Variants in BMERB1 observed in about 807,000 individuals in gnomAD.
The protein encoded by BMERB1 is bMERB domain containing 1, also known as bMERB domain-containing protein 1.
A neutral mutation model predicts 23.6 loss-of-function variants in BMERB1; 12 were observed. That is an observed-to-expected ratio of 0.51 (90% CI 0.33 to 0.82). BMERB1 has a LOEUF of 0.82. Among genes scored for constraint, BMERB1 ranks in the 40% least tolerant of loss-of-function variants. The pLI, the probability that BMERB1 is intolerant of heterozygous loss-of-function variation, is 0.03. For synonymous variants in BMERB1, 122 were observed against 96.6 expected, an observed-to-expected ratio of 1.26 and a Z score of -1.54; for missense variants, 247 against 255.4, an observed-to-expected ratio of 0.97 and a Z score of 0.22.
intron 3 of BMERB1, among the ~76,000 whole-genome samples, chr16:15,579,154 G>A (rs911639589): frequency 6.6e-6 from 1 of 152,194 alleles, no homozygotes; most frequent in African/African-American, 2.4e-5. Context: ...AGAGAGCAGT[G>A]GAGGGCACTT....
chr16:15,507,724 C>T (rs1438831671), intron 1 of BMERB1, among the ~76,000 whole-genome samples: 8 of 152,116 alleles, frequency 5.3e-5, no homozygotes, highest in African/African-American at 1.4e-4. Flanking sequence ...ATTTCTATCA[C>T]ACAAGTTCAG....
At chr16:15,483,263 T>G (rs559688991) in intron 1 of BMERB1, among the ~76,000 whole-genome samples, 1 of 152,234 alleles carries the variant, frequency 6.6e-6, no homozygotes, top group Non-Finnish European at 1.5e-5. Context: ...CGATTATTCC[T>G]CTAGGAAGAA....
At chr16:15,464,341 A>G (rs1251415534) in intron 1 of BMERB1, among the ~76,000 whole-genome samples, 2 of 149,758 alleles carry the variant, frequency 1.3e-5, no homozygotes, top group African/African-American at 2.5e-5. Flanking sequence ...AAGGATTCCA[A>G]AGAATGTCAG....
intron 5 of BMERB1, among the ~76,000 whole-genome samples, chr16:15,586,510 A>ATATAAAATGAGGAC (rs566399888): frequency 2.6e-5 from 4 of 151,140 alleles, no homozygotes; most frequent in Admixed American, 6.7e-5. Flanking sequence ...ATTGAGGACC[A>ATATAAAATGAGGAC]TATAAAATGA....
intron 1 of BMERB1, among the ~76,000 whole-genome samples, chr16:15,488,817 C>CAA (rs1407097556): frequency 1.7e-4 from 8 of 47,546 alleles, no homozygotes; most frequent in African/African-American, 3.0e-4. Context: ...GACTCCGTCT[C>CAA]AAAAAAAAAA....
At chr16:15,532,241 T>G (rs544750352) in intron 2 of BMERB1, among the ~76,000 whole-genome samples, 2,144 of 136,896 alleles carry the variant, frequency 0.016, 57 homozygotes, top group African/African-American at 0.069. Flanking sequence ...GTTTTTTTTG[T>G]TTTTTTTTGA....
intron 1 of BMERB1, among the ~76,000 whole-genome samples, chr16:15,510,584 C>T (rs2051652356): frequency 6.6e-6 from 1 of 152,122 alleles, no homozygotes; most frequent in African/African-American, 2.4e-5. Context: ...GGTTAACCAA[C>T]TCCCCAAGGC....
Position 15,587,089 on chromosome 16 carries a change from C to T in BMERB1, c.*260C>T, listed in dbSNP as rs1229682943. ...GTCTGTCTCACTGTTTATCCAAACA[C>T]CAGGAAAGGTCCTCCCTCAAAAAAG... On this transcript the variant is annotated 3_prime_UTR_variant, in exon 6 of 6. Transcript: ENST00000300006. 6 of 476,854 alleles carry T rather than the reference C, an allele frequency of 1.3e-5. No homozygotes were observed. In the Admixed American group the frequency reaches 1.5e-4, roughly 12 times the overall value. The allele number at this position is 476,854 out of a possible 1,614,324, so 29.5% of individuals were successfully genotyped here.
chr16:15,443,043 T>G (rs1009514651), intron 1 of BMERB1, among the ~76,000 whole-genome samples: 1 of 148,132 alleles, frequency 6.8e-6, no homozygotes, highest in Non-Finnish European at 1.5e-5. Flanking sequence ...ACATCAGGAG[T>G]TCAAGACCAG....
intron 1 of BMERB1, among the ~76,000 whole-genome samples, chr16:15,489,935 C>T (rs1194233777): frequency 2.6e-5 from 4 of 152,040 alleles, no homozygotes; most frequent in Non-Finnish European, 5.9e-5. Context: ...GGCTCGATCT[C>T]GGCTGGCTGC....
intron 1 of BMERB1, among the ~76,000 whole-genome samples, chr16:15,458,955 A>T (rs1178763240): frequency 6.6e-6 from 1 of 152,000 alleles, no homozygotes; most frequent in Non-Finnish European, 1.5e-5. Flanking sequence ...AAATACAAAA[A>T]AATTATCCGG....
chr16:15,453,365 C>T (rs2051058276), intron 1 of BMERB1, among the ~76,000 whole-genome samples: 1 of 152,098 alleles, frequency 6.6e-6, no homozygotes, highest in East Asian at 1.9e-4. Flanking sequence ...GGAGCTTGAG[C>T]CCAGGAGTTC....
At chr16:15,586,289 G>A (rs1047959388) in intron 5 of BMERB1, among the ~76,000 whole-genome samples, 4 of 152,146 alleles carry the variant, frequency 2.6e-5, no homozygotes, top group Admixed American at 6.5e-5. Flanking sequence ...AACAGAGAAT[G>A]GGAGGTGGAG....
intron 2 of BMERB1, among the ~76,000 whole-genome samples, chr16:15,558,836 C>T (rs980049556): frequency 2.0e-5 from 3 of 149,874 alleles, no homozygotes; most frequent in African/African-American, 4.9e-5. Context: ...ATCAGGTTAG[C>T]GTTCGGTTTC....
intron 1 of BMERB1, among the ~76,000 whole-genome samples, chr16:15,454,698 A>C (rs984326745): frequency 6.6e-6 from 1 of 152,078 alleles, no homozygotes; most frequent in African/African-American, 2.4e-5. Flanking sequence ...AGGCTGAGGC[A>C]GGAGAATCGC....
At chr16:15,526,044 G>A (rs1342774510) in intron 2 of BMERB1, among the ~76,000 whole-genome samples, 2 of 152,140 alleles carry the variant, frequency 1.3e-5, no homozygotes, top group Non-Finnish European at 2.9e-5. Context: ...AAATTAAATA[G>A]CATGTAAAAT....
intron 1 of BMERB1, among the ~76,000 whole-genome samples, chr16:15,513,578 T>A (rs2051702291): frequency 6.6e-6 from 1 of 152,144 alleles, no homozygotes; most frequent in African/African-American, 2.4e-5. Context: ...CTGCTAACAT[T>A]TTAGTGGACT....
chr16:15,556,379 C>T (rs1222263645), intron 2 of BMERB1, among the ~76,000 whole-genome samples: 1 of 152,012 alleles, frequency 6.6e-6, no homozygotes, highest in Admixed American at 6.6e-5. Context: ...GTTTGATTCT[C>T]ATACAACCCC....
chr16:15,564,265 A>G (rs889467844), intron 2 of BMERB1, among the ~76,000 whole-genome samples: 1 of 152,224 alleles, frequency 6.6e-6, no homozygotes, highest in African/African-American at 2.4e-5. Flanking sequence ...GTGTTCCCAT[A>G]AGCCTAAGGA....
Sources: gnomAD v4.1 joint callset for allele counts (sites outside exome capture counted in the v4.1 genomes callset) on GRCh38, gnomAD v4.1.1 for gene constraint, MANE v1.5 for transcripts, NCBI Gene and HGNC (gene_info 2026-07-23, HGNC 2026-07-21) for gene names.